DLST: variants seen among roughly 807,000 people sequenced by gnomAD.
The protein encoded by DLST is dihydrolipoyllysine-residue succinyltransferase component of 2-oxoglutarate dehydrogenase complex, mitochondrial.
A neutral mutation model predicts 53.1 loss-of-function variants in DLST; 17 were observed. The ratio of observed to expected loss-of-function variants is 0.32; its 90% confidence interval spans 0.22 to 0.48. DLST has a LOEUF of 0.48. DLST is among the 20% of genes least tolerant of loss of function. The pLI is 0.99. For synonymous variants in DLST, 206 were observed against 204.8 expected (o/e 1.01, Z -0.05); for missense variants, 512 against 583.9 (o/e 0.88, Z 1.27).
At position 74,898,428 on chromosome 14, in the gene DLST, A is replaced by G. The variant is rs143846935; in HGVS notation, c.830A>G (p.Lys277Arg). The G allele has an allele frequency of 6.2e-7, 1 of 1,613,720 alleles. No homozygotes were observed. Among genetic ancestry groups the G allele is most frequent in the Non-Finnish European group, 8.5e-7 (1 of 1,180,048 alleles). ...KEAFLKKHNLKLGFMSAFVKA... is the reference protein window; with the variant it reads ...KEAFLKKHNLRLGFMSAFVKA... ...GCTTTTTTGAAGAAACATAACCTCA[A>G]ACTAGGCTTCATGTCGGCATTTGTG... The change falls in exon 11 of 15, where the codon AAA becomes AGA. Residue 277 changes from lysine (K) to arginine (R), a missense_variant. Physicochemically the swap from Lys to Arg is conservative, Grantham distance 26 (BLOSUM62 2). Coordinates refer to ENST00000334220, the MANE Select transcript of DLST (RefSeq NM_001933.5).
intron 2 of DLST, among the ~76,000 whole-genome samples, chr14:74,884,490 A>G (rs1883637529): frequency 6.6e-6 from 1 of 152,230 alleles, no homozygotes; most frequent in South Asian, 2.1e-4. Flanking sequence ...AGTCCTACTT[A>G]TATGAAATGG....
At chr14:74,894,721 AT>A (rs544880701) in intron 10 of DLST, among the ~76,000 whole-genome samples, 1 of 151,130 alleles carries the variant, frequency 6.6e-6, no homozygotes, top group African/African-American at 2.4e-5. Flanking sequence ...AATTTTTTGT[AT>A]TTTTTTAGTG....
intron 12 of DLST, 31 bp from the exon 13 acceptor site, chr14:74,900,258 G>A (rs1427011301): frequency 1.1e-5 from 18 of 1,601,010 alleles, no homozygotes; most frequent in Non-Finnish European, 1.5e-5. Context: ...CTATTAATTT[G>A]CAACTGAAAA....
At chr14:74,900,448 A>G in intron 13 of DLST, 76 bp downstream of exon 13, 1 of 1,350,242 alleles carries the variant, frequency 7.4e-7, no homozygotes, top group Non-Finnish European at 1.1e-6. Flanking sequence ...CTCACTAGCA[A>G]GCAGTGCTCA....
intron 2 of DLST, among the ~76,000 whole-genome samples, chr14:74,882,826 T>C (rs936826845): frequency 1.3e-5 from 2 of 152,248 alleles, no homozygotes; most frequent in Non-Finnish European, 2.9e-5. Flanking sequence ...GGCACTGTGC[T>C]AGACGCTAGG....
At chr14:74,891,770 C>T (rs559772117) in intron 7 of DLST, 25 of 985,006 alleles carry the variant, frequency 2.5e-5, no homozygotes, top group African/African-American at 2.4e-4. Context: ...GAATCGTACC[C>T]GTAGACCAAC....
At chr14:74,891,966 A>T (rs1178320581) in intron 7 of DLST, 4 of 546,426 alleles carry the variant, frequency 7.3e-6, no homozygotes, top group Non-Finnish European at 9.3e-6. Context: ...TAATGTCCAG[A>T]TGGGTGAAAA....
At position 74,893,360 on chromosome 14, in the gene DLST, A is replaced by T; in HGVS notation, c.608A>T (p.Lys203Ile). The T allele has an allele frequency of 6.2e-7, 1 of 1,614,190 alleles. No homozygotes were observed. ...TTTTCATTTTCAGTGTCTGCAGTAA[A>T]ACCCACTGTTGCCCCACCACTAGCT... Reference protein sequence around the residue: ...PPSGKPVSAVKPTVAPPLAEP... With the variant: ...PPSGKPVSAVIPTVAPPLAEP... The change falls in exon 9 of 15, where the codon AAA becomes ATA. Residue 203 changes from lysine (K) to isoleucine (I), a missense_variant. Lys to Ile is a moderately radical substitution (Grantham distance 102). Transcript: ENST00000334220.
chr14:74,885,779 A>G (rs547723720), intron 3 of DLST, 145 bp downstream of exon 3: 25 of 717,004 alleles, frequency 3.5e-5, no homozygotes, highest in East Asian at 3.0e-4. Context: ...ACTAACCTCA[A>G]TGTTCACTTT....
In DLST at chr14:74,892,971, CCTT is replaced by C. The variant is rs1883961671; in HGVS notation, c.583_585del (p.Ser195del). On this transcript the variant is annotated inframe_deletion, in exon 8 of 15. Transcript: ENST00000334220. The stretch of plus-strand genomic sequence containing the variant: ...ACCGGTGCCCTCGCCCTCACAGCCT[CCTT>C]CTGGCAAACCTGGTAGGCTTCCAAC... 2.5e-6 allele frequency: 4 copies of C among 1,611,616 alleles called. No individual in the cohort carries two copies. The highest frequency in any genetic ancestry group is 3.3e-4 in the Middle Eastern group (2 of 6,036).
chr14:74,883,713 A>G lies in DLST; in HGVS notation c.97+1089A>G, dbSNP rs182399815. Among the ~76,000 whole-genome samples, 12 of 152,334 alleles carry G rather than the reference A, an allele frequency of 7.9e-5. No individual in the cohort carries two copies. The East Asian group carries it at 2.3e-3, about 29-fold the overall frequency. On this transcript the variant is annotated intron_variant, in intron 2 of 14. Coordinates refer to ENST00000334220, the MANE Select transcript of DLST (RefSeq NM_001933.5). ...ATTTTCTCTATTTTACAAATGCATAACCCAAGACAAGAGAGCTTAAAAGCC... is the reference window on the plus strand; with the variant it reads ...ATTTTCTCTATTTTACAAATGCATAGCCCAAGACAAGAGAGCTTAAAAGCC...
At chr14:74,898,539 G>A in intron 11 of DLST, 40 bp downstream of exon 11, 1 of 1,608,464 alleles carries the variant, frequency 6.2e-7, no homozygotes, top group East Asian at 2.2e-5. Flanking sequence ...GTCCTGGGAG[G>A]TAGGTGTATG....
chr14:74,893,135 C>T, intron 8 of DLST, 149 bp downstream of exon 8: 1 of 1,137,682 alleles, frequency 8.8e-7, no homozygotes. Flanking sequence ...CAAAGGCCTG[C>T]TTTGCATCTC....
rs76682225 is a variant in DLST at position 74,887,097 on chromosome 14, G to T, written c.146+1463G>T. 2.9e-3 allele frequency among the ~76,000 whole-genome samples: 446 copies of T among 151,744 alleles called. 4 individuals carry two copies. The highest frequency in any genetic ancestry group is 0.01 in the African/African-American group (432 of 41,256). The stretch of plus-strand genomic sequence containing the variant: ...TAGGAATCTATACTGAAGAACTCCT[G>T]GTATATTTATCTCAGATTTAATATC... On this transcript the variant is annotated intron_variant, in intron 3 of 14. Coordinates refer to ENST00000334220, the MANE Select transcript of DLST (RefSeq NM_001933.5).
chr14:74,900,027 G>T (rs1359268229), intron 12 of DLST, 31 bp downstream of exon 12: 1 of 1,552,174 alleles, frequency 6.4e-7, no homozygotes, highest in Admixed American at 1.7e-5. Context: ...GGGAATGTTG[G>T]TCTTAGACCC....
Position 74,900,015 on chromosome 14 carries a change from T to G in DLST, c.975+19T>G, listed in dbSNP as rs202034722. 1.1e-4 allele frequency: 174 copies of G among 1,596,016 alleles called. No homozygotes were observed. Among genetic ancestry groups the G allele is most frequent in the Non-Finnish European group, 1.5e-4 (170 of 1,165,048 alleles). ...CCCACGGGTATGTTGGGGCAGGAGG[T>G]GGGGAATGTTGGTCTTAGACCCTCA... On this transcript the variant is annotated intron_variant, in intron 12 of 14. Transcript: ENST00000334220.
At position 74,890,872 on chromosome 14, in the gene DLST, T is replaced by A. The variant is rs1318501; in HGVS notation, c.331-184T>A. On this transcript the variant is annotated intron_variant, in intron 6 of 14. Transcript: ENST00000334220. ...TTGTAGTTTTTAGTAGAGATGGGGT[T>A]TCACCATGTTGGCCAGGCTGGTCTT... Among the ~76,000 whole-genome samples, 1,307 of 152,104 alleles carry A rather than the reference T, an allele frequency of 8.6e-3. 74 individuals carry two copies. The East Asian group carries it at 0.17, about 20-fold the overall frequency.
At chr14:74,892,008 G>A (rs923322703) in intron 7 of DLST, 2 of 325,566 alleles carry the variant, frequency 6.1e-6, no homozygotes, top group Admixed American at 1.3e-4. Context: ...AAAGTTGTGA[G>A]ATTATTACTT....
At chr14:74,895,917 G>A (rs772334301) in intron 10 of DLST, among the ~76,000 whole-genome samples, 28 of 152,080 alleles carry the variant, frequency 1.8e-4, no homozygotes, top group Non-Finnish European at 3.4e-4. Context: ...TATGTATGGT[G>A]GCATGGACCT....
Sources: gnomAD v4.1 joint callset for allele counts (sites outside exome capture counted in the v4.1 genomes callset) on GRCh38, gnomAD v4.1.1 for gene constraint, MANE v1.5 for transcripts, NCBI Gene and HGNC (gene_info 2026-07-23, HGNC 2026-07-21) for gene names.